PDE2A: variants seen among roughly 807,000 people sequenced by gnomAD.
PDE2A encodes the protein phosphodiesterase 2A, also known as cGMP-dependent 3',5'-cyclic phosphodiesterase.
Under a neutral mutation model 133.6 loss-of-function variants are expected in PDE2A, and 53 were observed. The ratio of observed to expected loss-of-function variants is 0.40; its 90% CI spans 0.32 to 0.50. The LOEUF is 0.50. PDE2A is among the 20% of genes least tolerant of loss of function. The pLI, the probability that PDE2A is intolerant of heterozygous loss-of-function variation, is 0.73. For synonymous variants in PDE2A, 491 were observed against 490.2 expected (o/e 1.00, Z -0.02); for missense variants, 796 against 1,232.4 (o/e 0.65, Z 5.30).
intron 2 of PDE2A, among the ~76,000 whole-genome samples, chr11:72,639,060 T>A (rs1858836498): frequency 6.6e-6 from 1 of 152,204 alleles, no homozygotes; most frequent in East Asian, 1.9e-4. Context: ...TGACTCAGAC[T>A]TCTCTAAGCC....
chr11:72,623,603 T>C (rs1056691276), intron 2 of PDE2A, among the ~76,000 whole-genome samples: 1 of 151,992 alleles, frequency 6.6e-6, no homozygotes, highest in Non-Finnish European at 1.5e-5. Context: ...CCAAAACAGC[T>C]CACTCGGTTT....
chr11:72,611,371 C>G (rs543131976), intron 2 of PDE2A, among the ~76,000 whole-genome samples: 1 of 152,128 alleles, frequency 6.6e-6, no homozygotes, highest in Non-Finnish European at 1.5e-5. Context: ...CTGCTCAGCA[C>G]CCGATCCCCA....
At chr11:72,592,038 AC>A (rs986579282) in intron 6 of PDE2A, among the ~76,000 whole-genome samples, 2 of 149,102 alleles carry the variant, frequency 1.3e-5, no homozygotes, top group African/African-American at 5.0e-5. Context: ...CTCTAGATCC[AC>A]TCTCTCCACC....
chr11:72,645,834 T>A (rs79456357), intron 1 of PDE2A, among the ~76,000 whole-genome samples: 7,666 of 152,262 alleles, frequency 0.05, 653 homozygotes, highest in African/African-American at 0.18. Flanking sequence ...CTCAACAATG[T>A]TATAGGGTGG....
intron 20 of PDE2A, 147 bp from the exon 21 acceptor site, chr11:72,582,713 A>G (rs1855779090): frequency 2.7e-6 from 2 of 747,748 alleles, no homozygotes; most frequent in Non-Finnish European, 4.2e-6. Flanking sequence ...TGGGCAGGAA[A>G]TCACCACCCT....
At chr11:72,614,143 C>T (rs376643166) in intron 2 of PDE2A, among the ~76,000 whole-genome samples, 87 of 152,330 alleles carry the variant, frequency 5.7e-4, no homozygotes, top group African/African-American at 1.7e-3. Flanking sequence ...CAGAACAAGG[C>T]GGTTCCTCCT....
intron 5 of PDE2A, 35 bp from the exon 6 acceptor site, chr11:72,596,683 G>C: frequency 7.3e-7 from 1 of 1,361,576 alleles, no homozygotes; most frequent in East Asian, 2.7e-5. Flanking sequence ...GCTCCTGCAG[G>C]GCTGGCGAGG....
At chr11:72,669,626 G>A (rs1218165788) in intron 1 of PDE2A, among the ~76,000 whole-genome samples, 1 of 152,206 alleles carries the variant, frequency 6.6e-6, no homozygotes, top group Non-Finnish European at 1.5e-5. Flanking sequence ...GCGCTCCAAG[G>A]AGCAGACAAG....
At chr11:72,645,182 A>G (rs1859099746) in intron 1 of PDE2A, among the ~76,000 whole-genome samples, 3 of 152,162 alleles carry the variant, frequency 2.0e-5, no homozygotes, top group Admixed American at 6.5e-5. Context: ...AGATCCAAGC[A>G]TTCCTCAGAG....
chr11:72,617,942 C>A (rs1036698595), intron 2 of PDE2A, among the ~76,000 whole-genome samples: 2 of 152,188 alleles, frequency 1.3e-5, no homozygotes, highest in African/African-American at 2.4e-5. Context: ...GAGTGGGGTC[C>A]GTCTGGGGCA....
intron 1 of PDE2A, among the ~76,000 whole-genome samples, chr11:72,667,736 T>C (rs1385893015): frequency 6.6e-6 from 1 of 151,670 alleles, no homozygotes; most frequent in Non-Finnish European, 1.5e-5. Context: ...ATGAGCTGGG[T>C]GCAGTGGCTC....
chr11:72,590,022 C>G lies in PDE2A; in HGVS notation c.757-41G>C, dbSNP rs747197637. On this transcript the variant is annotated intron_variant, in intron 9 of 30. Transcript: ENST00000334456. The surrounding 1 kb of genome is among the most constrained non-coding windows in gnomAD (Gnocchi z 4.8). ...GCAGGGCGAGGGGGTGACCGCGGAT[C>G]CGGGTCACCCCACTCCCCACCTGCT... is the stretch of plus-strand genomic sequence containing the variant. 1.4e-5 allele frequency: 22 copies of G among 1,547,918 alleles called. No individual in the cohort carries two copies. In the Admixed American group the frequency reaches 4.0e-4, roughly 28 times the overall value.
intron 5 of PDE2A, among the ~76,000 whole-genome samples, chr11:72,596,924 A>T (rs1418280981): frequency 2.0e-5 from 3 of 152,076 alleles, no homozygotes; most frequent in Non-Finnish European, 4.4e-5. Flanking sequence ...GAGGCTGAGC[A>T]CCTCTATTTT....
In PDE2A at chr11:72,644,988, C is replaced by T. The variant is rs530192736; in HGVS notation, c.72-2662G>A. Reference sequence around the variant, plus strand: ...GCCAGGATGGTCTCGATCTCTTGACCTCATGATCCACCCACCTCAGCCTCC... The same window carrying T: ...GCCAGGATGGTCTCGATCTCTTGACTTCATGATCCACCCACCTCAGCCTCC... On this transcript the variant is annotated intron_variant, in intron 1 of 30. Coordinates refer to ENST00000334456, the MANE Select transcript of PDE2A (RefSeq NM_002599.5). Among the ~76,000 whole-genome samples, 7 of 152,318 alleles carry T rather than the reference C, an allele frequency of 4.6e-5. No homozygotes were observed. In the South Asian group the frequency reaches 1.0e-3, roughly 23 times the overall value.
intron 11 of PDE2A, 85 bp downstream of exon 11, chr11:72,589,666 A>C: frequency 8.5e-7 from 1 of 1,175,168 alleles, no homozygotes; most frequent in Non-Finnish European, 1.3e-6. Flanking sequence ...TAGAAGATCC[A>C]AATACTCCAG....
intron 7 of PDE2A, 187 bp downstream of exon 7, chr11:72,591,110 T>C (rs1446321355): frequency 1.6e-6 from 1 of 639,276 alleles, no homozygotes; most frequent in Admixed American, 2.4e-5. Context: ...GTGCTATCAT[T>C]ATCCCCATTT....
At chr11:72,602,738 C>T (rs1278362993) in intron 4 of PDE2A, among the ~76,000 whole-genome samples, 1 of 152,232 alleles carries the variant, frequency 6.6e-6, no homozygotes, top group Non-Finnish European at 1.5e-5. Flanking sequence ...GCCCCTGTTA[C>T]CCCATTAAGC....
chr11:72,601,970 G>C (rs1856767561), intron 4 of PDE2A, among the ~76,000 whole-genome samples: 2 of 152,262 alleles, frequency 1.3e-5, no homozygotes, highest in African/African-American at 4.8e-5. Flanking sequence ...CTGACTCCCA[G>C]CCCAAGGTTC....
At chr11:72,584,115 A>T in intron 19 of PDE2A, 86 bp downstream of exon 19, 1 of 726,580 alleles carries the variant, frequency 1.4e-6, no homozygotes, top group Non-Finnish European at 2.4e-6. Flanking sequence ...ATCCACAAGG[A>T]GAGTCAGTCG....
Sources: allele counts gnomAD v4.1 joint callset (sites outside exome capture counted in the v4.1 genomes callset), GRCh38; gene constraint gnomAD v4.1.1; non-coding constraint Gnocchi (gnomAD v3.1); transcripts MANE v1.5; gene names NCBI Gene and HGNC (gene_info 2026-07-23, HGNC 2026-07-21).